The following UGT1A8 variants were observed in gnomAD, a reference collection of about 807,000 sequenced individuals.
UGT1A8 encodes UDP-glucuronosyltransferase 1A8.
Under a neutral mutation model 45.3 loss-of-function variants are expected in UGT1A8, and 39 were observed. The observed-to-expected ratio is 0.86, with a 90% confidence interval of 0.67 to 1.12. UGT1A8 has a LOEUF of 1.12. UGT1A8 is among the 50% of genes most tolerant of loss of function. The probability of loss-of-function intolerance (pLI) is 0.00; values close to 1 mark genes in which losing one functional copy is unlikely to be tolerated. For synonymous variants in UGT1A8, 275 were observed against 249.2 expected, an observed-to-expected ratio of 1.10 and a Z score of -0.97; for missense variants, 719 against 664.9, an observed-to-expected ratio of 1.08 and a Z score of -0.90.
At chr2:233,707,538 CT>C (rs753963758) in intron 1 of UGT1A8, among the ~76,000 whole-genome samples, 1,931 of 126,726 alleles carry the variant, frequency 0.015, 27 homozygotes, top group African/African-American at 0.038. Flanking sequence ...TTTGTCTTGC[CT>C]TTTTTTTTTT....
At chr2:233,763,737 C>T (rs1348809742) in intron 1 of UGT1A8, among the ~76,000 whole-genome samples, 2 of 152,090 alleles carry the variant, frequency 1.3e-5, no homozygotes, top group East Asian at 1.9e-4. Context: ...CTGGCATTGG[C>T]GTGTCTTTGG....
intron 4 of UGT1A8, chr2:233,771,178 A>T (rs1700251427): frequency 6.6e-6 from 1 of 152,240 alleles, no homozygotes; most frequent in African/African-American, 2.4e-5. Flanking sequence ...GGGGATTACA[A>T]TTCAACATGA....
At chr2:233,739,607 G>C (rs1198320819) in intron 1 of UGT1A8, among the ~76,000 whole-genome samples, 2 of 152,134 alleles carry the variant, frequency 1.3e-5, no homozygotes, top group Non-Finnish European at 2.9e-5. Context: ...CCTTTGTTTT[G>C]GCCAGTTTCT....
intron 1 of UGT1A8, among the ~76,000 whole-genome samples, chr2:233,628,604 C>T (rs2073133273): frequency 6.6e-6 from 1 of 151,960 alleles, no homozygotes; most frequent in Non-Finnish European, 1.5e-5. Flanking sequence ...CTTTTTACTT[C>T]TATTTCCTCC....
intron 1 of UGT1A8, among the ~76,000 whole-genome samples, chr2:233,631,902 C>G (rs2073193302): frequency 6.6e-6 from 1 of 152,136 alleles, no homozygotes. Context: ...GTTATGAAGT[C>G]TTTGCCCATG....
intron 1 of UGT1A8, among the ~76,000 whole-genome samples, chr2:233,678,536 T>C (rs1432023889): frequency 1.3e-5 from 2 of 152,204 alleles, no homozygotes; most frequent in African/African-American, 2.4e-5. Flanking sequence ...TTCTCTTTGA[T>C]GTATTTAAAA....
intron 1 of UGT1A8, among the ~76,000 whole-genome samples, chr2:233,715,111 C>T (rs538311485): frequency 1.3e-5 from 2 of 152,222 alleles, no homozygotes; most frequent in East Asian, 3.9e-4. Flanking sequence ...ATCTCAAATG[C>T]CTGATCTCAA....
intron 1 of UGT1A8, among the ~76,000 whole-genome samples, chr2:233,712,238 T>C (rs1464476015): frequency 6.6e-6 from 1 of 152,230 alleles, no homozygotes; most frequent in African/African-American, 2.4e-5. Context: ...CATGGGTCTT[T>C]GCTAGGGTTG....
Position 233,635,519 on chromosome 2 carries a change from A to T in UGT1A8, c.855+16957A>T, listed in dbSNP as rs113908691. Among the ~76,000 whole-genome samples the T allele has an allele frequency of 9.9e-4, 150 of 150,966 alleles. 9 individuals carry two copies. The highest frequency in any genetic ancestry group is 3.6e-3 in the African/African-American group (147 of 40,868). On this transcript the variant is annotated intron_variant, in intron 1 of 4. Coordinates refer to ENST00000373450, the MANE Select transcript of UGT1A8 (RefSeq NM_019076.5). ...TTGGGAGGGCAGTGCCAAGCCATTC[A>T]TGAGGGATCCATGCCCATGACCCAA...
chr2:233,618,997 G>A (rs76902225), intron 1 of UGT1A8, among the ~76,000 whole-genome samples: 1 of 151,716 alleles, frequency 6.6e-6, no homozygotes, highest in Non-Finnish European at 1.5e-5. Flanking sequence ...TTTGAGTACC[G>A]TGTTTAGAAA....
At chr2:233,666,588 A>G (rs1445905135) in intron 1 of UGT1A8, among the ~76,000 whole-genome samples, 2 of 151,052 alleles carry the variant, frequency 1.3e-5, no homozygotes, top group Non-Finnish European at 3.0e-5. Context: ...ATCCTTTACC[A>G]GTCTGTAGAT....
chr2:233,747,463 G>A lies in UGT1A8; in HGVS notation c.856-19571G>A, dbSNP rs564672570. 1.6e-5 allele frequency: 25 copies of A among 1,608,790 alleles called. No homozygotes were observed. The South Asian group carries it at 2.7e-4, about 18-fold the overall frequency. ...ACCCTGACAACCTATGCCATTTCAT[G>A]GACCCAGGATGAATTTGATCGCCTT... On this transcript the variant is annotated intron_variant, in intron 1 of 4. Coordinates refer to ENST00000373450, the MANE Select transcript of UGT1A8 (RefSeq NM_019076.5).
At chr2:233,675,955 G>A (rs530815102) in intron 1 of UGT1A8, among the ~76,000 whole-genome samples, 1 of 151,956 alleles carries the variant, frequency 6.6e-6, no homozygotes, top group South Asian at 2.1e-4. Flanking sequence ...AAATTTCCCC[G>A]GATTGTCTCA....
chr2:233,772,168 A>C, intron 4 of UGT1A8, 94 bp from the exon 5 acceptor site: 1 of 1,573,330 alleles, frequency 6.4e-7, no homozygotes, highest in Non-Finnish European at 8.6e-7. Flanking sequence ...AAGTTTGGAA[A>C]ATCTGGTAGT....
chr2:233,694,220 G>A (rs2075206036), intron 1 of UGT1A8, among the ~76,000 whole-genome samples: 1 of 152,028 alleles, frequency 6.6e-6, no homozygotes, highest in African/African-American at 2.4e-5. Context: ...TCCCAACTCT[G>A]TCCCATGCTT....
intron 1 of UGT1A8, among the ~76,000 whole-genome samples, chr2:233,657,354 TG>T (rs2073877589): frequency 6.6e-6 from 1 of 152,140 alleles, no homozygotes; most frequent in Admixed American, 6.5e-5. Context: ...ATAAGAATCA[TG>T]GTACCAACAT....
At chr2:233,638,915 C>T (rs1231068642) in intron 1 of UGT1A8, among the ~76,000 whole-genome samples, 1 of 152,194 alleles carries the variant, frequency 6.6e-6, no homozygotes, top group Non-Finnish European at 1.5e-5. Flanking sequence ...AGTTGCAGGA[C>T]TCTAAGAGGT....
At chr2:233,708,628 G>C (rs985761957) in intron 1 of UGT1A8, 8 of 152,152 alleles carry the variant, frequency 5.3e-5, no homozygotes, top group Non-Finnish European at 1.2e-4. Context: ...GCGTGTGCCT[G>C]TAGACCTAAC....
At position 233,617,896 on chromosome 2, in the gene UGT1A8, T is replaced by C; in HGVS notation, c.189T>C (p.Ser63=). 3 of 1,613,952 alleles carry C rather than the reference T, an allele frequency of 1.9e-6. No individual in the cohort carries two copies. The highest frequency in any genetic ancestry group is 2.5e-6 in the Non-Finnish European group (3 of 1,179,960). Residue 63 remains serine (S), a synonymous_variant, in exon 1 of 5, where the codon AGT becomes AGC. Coordinates refer to ENST00000373450, the MANE Select transcript of UGT1A8 (RefSeq NM_019076.5). ...HEVVVVMPEV[S]WQLGKSLNCT... is the part of the protein sequence containing the mutation. ...TGGTTGTAGTCATGCCAGAGGTGAG[T>C]TGGCAACTGGGAAAATCACTGAATT...
Sources: allele counts gnomAD v4.1 joint callset (sites outside exome capture counted in the v4.1 genomes callset), GRCh38; gene constraint gnomAD v4.1.1; transcripts MANE v1.5; gene names NCBI Gene and HGNC (gene_info 2026-07-23, HGNC 2026-07-21).